Variants in PTPRT observed in about 807,000 individuals in gnomAD.
PTPRT encodes protein tyrosine phosphatase receptor type T, also known as receptor-type tyrosine-protein phosphatase T.
Under a neutral mutation model 176.8 loss-of-function variants are expected in PTPRT, and 56 were observed. The ratio of observed to expected loss-of-function variants is 0.32; its 90% CI spans 0.26 to 0.40. The LOEUF is 0.40. PTPRT is among the 10% of genes least tolerant of loss of function. PTPRT has a pLI of 1.00. For missense variants in PTPRT, 1,540 were observed against 1,908.2 expected, an observed-to-expected ratio of 0.81 and a Z score of 3.60; for synonymous variants, 783 against 739.0, an observed-to-expected ratio of 1.06 and a Z score of -0.96.
intron 17 of PTPRT, among the ~76,000 whole-genome samples, chr20:42,146,865 A>G (rs1022460693): frequency 6.6e-6 from 1 of 152,158 alleles, no homozygotes; most frequent in Non-Finnish European, 1.5e-5. Context: ...TACCAGTTAT[A>G]AGGTGTTTAA....
chr20:42,734,391 G>A (rs1023260267), intron 6 of PTPRT, among the ~76,000 whole-genome samples: 1 of 152,166 alleles, frequency 6.6e-6, no homozygotes, highest in Non-Finnish European at 1.5e-5. Context: ...AGCCCTGAGA[G>A]TCTCCAATAG....
chr20:42,509,610 G>A (rs972997717), intron 7 of PTPRT, among the ~76,000 whole-genome samples: 37 of 150,338 alleles, frequency 2.5e-4, no homozygotes, highest in East Asian at 2.0e-4. Flanking sequence ...ATCAATGCCC[G>A]ATATAGAATT....
At position 42,106,915 on chromosome 20, in the gene PTPRT, C is replaced by A. The variant is rs1322942438; in HGVS notation, c.3261G>T (p.Gly1087=). 2 of 1,614,052 alleles carry A rather than the reference C, an allele frequency of 1.2e-6. No homozygotes were observed. The highest frequency in any genetic ancestry group is 1.7e-6 in the Non-Finnish European group (2 of 1,179,956). Residue 1087 remains glycine (G), a synonymous_variant, in exon 24 of 31, where the codon GGG becomes GGT. Coordinates refer to ENST00000373187, the MANE Select transcript of PTPRT (RefSeq NM_007050.6). ...AGPIVVHCSA[G]AGRTGCFIAI... ...CAATGAAGCAGCCAGTCCGCCCAGC[C>A]CCAGCACTGGAAGAGAGGTATGGTC...
intron 6 of PTPRT, among the ~76,000 whole-genome samples, chr20:42,727,800 T>C (rs561391092): frequency 6.6e-6 from 1 of 152,302 alleles, no homozygotes; most frequent in Admixed American, 6.5e-5. Flanking sequence ...TAAAACCTTT[T>C]AATGGTCTCC....
chr20:42,320,304 T>C (rs1318167492), intron 11 of PTPRT, among the ~76,000 whole-genome samples: 1 of 152,246 alleles, frequency 6.6e-6, no homozygotes, highest in Non-Finnish European at 1.5e-5. Flanking sequence ...CCTAAGCTAA[T>C]GGTTTAAATG....
At chr20:43,030,668 C>T (rs983621472) in intron 1 of PTPRT, among the ~76,000 whole-genome samples, 1 of 152,160 alleles carries the variant, frequency 6.6e-6, no homozygotes, top group Admixed American at 6.5e-5. Context: ...GGAGGTTTGA[C>T]TTAGCCTTGG....
Position 42,098,416 on chromosome 20 carries a change from C to T in PTPRT, c.3846+5G>A. 6.2e-7 allele frequency: 1 copy of T among 1,614,030 alleles called. No homozygotes were observed. Among genetic ancestry groups the T allele is most frequent in the Non-Finnish European group, 8.5e-7 (1 of 1,179,988 alleles). Reference sequence around the variant, plus strand: ...CACCTAGGGCTTGGCTTGGCCTCCTCCTACCTGGGCAGTGTCCATCTCATT... The same window carrying T: ...CACCTAGGGCTTGGCTTGGCCTCCTTCTACCTGGGCAGTGTCCATCTCATT... On this transcript the variant is annotated splice_donor_5th_base_variant and intron_variant, in intron 27 of 30. Coordinates refer to ENST00000373187, the MANE Select transcript of PTPRT (RefSeq NM_007050.6).
chr20:42,374,942 C>T (rs1418589327), intron 9 of PTPRT, among the ~76,000 whole-genome samples: 1 of 152,052 alleles, frequency 6.6e-6, no homozygotes, highest in Non-Finnish European at 1.5e-5. Flanking sequence ...AAATTATAGA[C>T]CAGCATATCA....
chr20:43,134,610 G>A (rs1265566229), intron 1 of PTPRT, among the ~76,000 whole-genome samples: 2 of 152,152 alleles, frequency 1.3e-5, no homozygotes, highest in Non-Finnish European at 2.9e-5. Context: ...CCAACTGCAA[G>A]ACCCCATTGC....
intron 1 of PTPRT, among the ~76,000 whole-genome samples, chr20:43,164,672 T>C (rs1285229583): frequency 6.6e-6 from 1 of 152,228 alleles, no homozygotes; most frequent in Non-Finnish European, 1.5e-5. Context: ...TTGCAGGGCA[T>C]ACGGTTTCTG....
At chr20:42,445,650 T>C (rs1825210161) in intron 9 of PTPRT, among the ~76,000 whole-genome samples, 1 of 152,186 alleles carries the variant, frequency 6.6e-6, no homozygotes, top group Non-Finnish European at 1.5e-5. Context: ...TACAAACAAC[T>C]CAACCAGTTA....
At chr20:42,101,866 A>G (rs1985966488) in intron 26 of PTPRT, among the ~76,000 whole-genome samples, 2 of 152,240 alleles carry the variant, frequency 1.3e-5, no homozygotes, top group South Asian at 2.1e-4. Context: ...TAGACTTGCC[A>G]TGGTGACACG....
At chr20:43,074,321 C>CT (rs886064049) in intron 1 of PTPRT, among the ~76,000 whole-genome samples, 3 of 152,192 alleles carry the variant, frequency 2.0e-5, no homozygotes, top group African/African-American at 7.2e-5. Flanking sequence ...ATCATACGTT[C>CT]TTTTTCAGTG....
chr20:42,340,927 A>G (rs2058102231), intron 11 of PTPRT, among the ~76,000 whole-genome samples: 1 of 152,110 alleles, frequency 6.6e-6, no homozygotes, highest in South Asian at 2.1e-4. Flanking sequence ...CCAGTTCCCC[A>G]GGGTTGGAGG....
At chr20:42,331,307 G>T (rs76607589) in intron 11 of PTPRT, among the ~76,000 whole-genome samples, 5 of 152,258 alleles carry the variant, frequency 3.3e-5, no homozygotes, top group African/African-American at 9.6e-5. Context: ...TTTTACAGAG[G>T]AAGATGTTAT....
chr20:42,434,087 A>T (rs2059239703), intron 9 of PTPRT, among the ~76,000 whole-genome samples: 1 of 152,110 alleles, frequency 6.6e-6, no homozygotes, highest in Admixed American at 6.5e-5. Context: ...AAAAAAAGTC[A>T]CCATAACCAC....
At position 42,472,634 on chromosome 20, in the gene PTPRT, C is replaced by A. The variant is rs6065487; in HGVS notation, c.1154-72G>T. The A allele has an allele frequency of 0.33, 482,739 of 1,468,420 alleles. 80,194 individuals are homozygous for A. Among genetic ancestry groups the A allele is most frequent in the African/African-American group, 0.39 (28,216 of 71,528 alleles). The allele number at this position is 1,468,420 out of a possible 1,614,324, so 91.0% of individuals were successfully genotyped here. On this transcript the variant is annotated intron_variant, in intron 7 of 30. Coordinates refer to ENST00000373187, the MANE Select transcript of PTPRT (RefSeq NM_007050.6). ...GGAAGCTGGGGTACATGTTCTGCTA[C>A]AACAGGGAACACAGCTTTTCCAAAC...
intron 1 of PTPRT, among the ~76,000 whole-genome samples, chr20:43,074,915 C>T (rs2146277806): frequency 6.6e-6 from 1 of 152,326 alleles, no homozygotes; most frequent in South Asian, 2.1e-4. Context: ...GCCCACAGAG[C>T]CAAAGCTTTC....
At position 42,472,177 on chromosome 20, in the gene PTPRT, G is replaced by GA. The variant is rs570374571; in HGVS notation, c.1450+88dup. 2,234 of 1,424,440 alleles carry GA rather than the reference G, an allele frequency of 1.6e-3. 6 individuals carry two copies. Among genetic ancestry groups the GA allele is most frequent in the Middle Eastern group, 4.7e-3 (26 of 5,492 alleles). 88.2% of individuals were successfully genotyped at this position (1,424,440 alleles called of 1,614,324 possible). On this transcript the variant is annotated intron_variant, in intron 8 of 30. Coordinates refer to ENST00000373187, the MANE Select transcript of PTPRT (RefSeq NM_007050.6). ...GTGTGTGAGGGAATTAAAAATGTAG[G>GA]AAAAATAAAAGCCTCATAACTGACT...
Sources: gnomAD v4.1 joint callset for allele counts (sites outside exome capture counted in the v4.1 genomes callset) on GRCh38, gnomAD v4.1.1 for gene constraint, MANE v1.5 for transcripts, NCBI Gene and HGNC (gene_info 2026-07-23, HGNC 2026-07-21) for gene names.